Variants in DCC observed in about 807,000 individuals in gnomAD.
DCC encodes DCC netrin 1 receptor.
Under a neutral mutation model 172.5 loss-of-function variants are expected in DCC, and 58 were observed. That is an observed-to-expected ratio of 0.34 (90% CI 0.27 to 0.42). The LOEUF is 0.42. Among genes scored for constraint, DCC ranks in the 10% least tolerant of loss-of-function variants. The pLI is 1.00. For missense variants in DCC, 1,740 were observed against 1,791.0 expected, an observed-to-expected ratio of 0.97 and a Z score of 0.51; for synonymous variants, 709 against 644.5, an observed-to-expected ratio of 1.10 and a Z score of -1.52.
chr18:53,468,350 A>G (rs1032168836), intron 25 of DCC, among the ~76,000 whole-genome samples: 1 of 73,588 alleles, frequency 1.4e-5, no homozygotes, highest in African/African-American at 5.7e-5. Flanking sequence ...ATTTTTATTT[A>G]TTTATTTATT....
intron 2 of DCC, among the ~76,000 whole-genome samples, chr18:52,776,834 C>A (rs2037443860): frequency 6.6e-6 from 1 of 152,120 alleles, no homozygotes; most frequent in Non-Finnish European, 1.5e-5. Context: ...TTTAAACATT[C>A]AAACTATTAA....
chr18:52,867,207 C>G (rs1197915809), intron 2 of DCC, among the ~76,000 whole-genome samples: 1 of 152,186 alleles, frequency 6.6e-6, no homozygotes, highest in African/African-American at 2.4e-5. Flanking sequence ...GTTGAACCAG[C>G]CTTGCATCCC....
At position 53,031,012 on chromosome 18, in the gene DCC, G is replaced by A. The variant is rs575474833; in HGVS notation, c.986-32293G>A. On this transcript the variant is annotated intron_variant, in intron 5 of 28. Coordinates refer to ENST00000442544, the MANE Select transcript of DCC (RefSeq NM_005215.4). The stretch of plus-strand genomic sequence containing the variant: ...GGTGGCTCACGCCTATAATCCCAGC[G>A]CTTTGAGAGGCTGAGGCAGATGGAT... Among the ~76,000 whole-genome samples the A allele has an allele frequency of 2.8e-4, 42 of 152,180 alleles. 1 individual carries two copies. The highest frequency in any genetic ancestry group is 4.1e-4 in the South Asian group (2 of 4,828).
intron 7 of DCC, among the ~76,000 whole-genome samples, chr18:53,155,781 C>G (rs2054721642): frequency 2.6e-5 from 4 of 152,218 alleles, no homozygotes; most frequent in South Asian, 4.1e-4. Context: ...AATCCCAGTA[C>G]TTTGGAAGGC....
chr18:53,425,221 GT>G, intron 21 of DCC, among the ~76,000 whole-genome samples: 1 of 151,424 alleles, frequency 6.6e-6, no homozygotes, highest in African/African-American at 2.4e-5. Flanking sequence ...CCACAGCCTT[GT>G]TTTGTTCTGC....
chr18:52,762,472 C>CA (rs10545448), intron 2 of DCC, among the ~76,000 whole-genome samples: 6,153 of 139,292 alleles, frequency 0.044, 148 homozygotes, highest in Admixed American at 0.055. Flanking sequence ...GACCTTATCT[C>CA]AAAAAAAAAA....
chr18:52,924,401 T>C (rs1036274131), intron 4 of DCC, among the ~76,000 whole-genome samples: 1 of 152,126 alleles, frequency 6.6e-6, no homozygotes, highest in African/African-American at 2.4e-5. Flanking sequence ...AGCATGTCAT[T>C]ATAGAGTTTG....
At chr18:53,402,996 C>A in intron 19 of DCC, 103 bp downstream of exon 19, 1 of 835,374 alleles carries the variant, frequency 1.2e-6, no homozygotes. Flanking sequence ...TTATTCTGTC[C>A]CTACATCTCA....
intron 1 of DCC, among the ~76,000 whole-genome samples, chr18:52,481,492 A>G (rs919670711): frequency 2.0e-5 from 3 of 152,044 alleles, no homozygotes; most frequent in Non-Finnish European, 1.5e-5. Flanking sequence ...TCGCAGATTT[A>G]CTCTGATTTT....
At chr18:52,467,255 T>A (rs1376969400) in intron 1 of DCC, among the ~76,000 whole-genome samples, 1 of 152,020 alleles carries the variant, frequency 6.6e-6, no homozygotes, top group Non-Finnish European at 1.5e-5. Context: ...GTCCATGTGT[T>A]CTCATTGTTC....
At chr18:52,867,306 C>T (rs866497414) in intron 2 of DCC, among the ~76,000 whole-genome samples, 26 of 152,232 alleles carry the variant, frequency 1.7e-4, no homozygotes, top group African/African-American at 5.8e-4. Context: ...GATTTTCATA[C>T]CGATGTTCAT....
At chr18:52,651,799 G>A (rs2035136741) in intron 1 of DCC, among the ~76,000 whole-genome samples, 1 of 152,112 alleles carries the variant, frequency 6.6e-6, no homozygotes, top group South Asian at 2.1e-4. Flanking sequence ...CTCAGTAATG[G>A]ACTTTAAGGA....
At chr18:52,857,692 G>C (rs1349935210) in intron 2 of DCC, among the ~76,000 whole-genome samples, 1 of 151,872 alleles carries the variant, frequency 6.6e-6, no homozygotes, top group Non-Finnish European at 1.5e-5. Flanking sequence ...CTTCTCTGGT[G>C]GTTGTTTTTA....
intron 1 of DCC, among the ~76,000 whole-genome samples, chr18:52,497,260 CAAAAAAA>C (rs111476286): frequency 0.58 from 30,999 of 53,532 alleles, 9,616 homozygotes; most frequent in Middle Eastern, 0.72. Context: ...GACCCTGTAT[CAAAAAAA>C]AAAAAAAAAA....
intron 12 of DCC, among the ~76,000 whole-genome samples, chr18:53,269,009 TG>T (rs2056715894): frequency 6.6e-6 from 1 of 152,138 alleles, no homozygotes; most frequent in Admixed American, 6.6e-5. Context: ...AGTGAACAGA[TG>T]GTCTCAGCAG....
chr18:52,397,245 TC>T (rs1227865713), intron 1 of DCC, among the ~76,000 whole-genome samples: 2 of 151,966 alleles, frequency 1.3e-5, no homozygotes, highest in African/African-American at 4.8e-5. Flanking sequence ...GGGGAAGAGC[TC>T]CCAAAACGCA....
Position 53,384,557 on chromosome 18 carries a change from C to T in DCC, c.2360-1486C>T, listed in dbSNP as rs73467290. 1.9e-3 allele frequency among the ~76,000 whole-genome samples: 295 copies of T among 151,958 alleles called. 3 individuals are homozygous for T. Among genetic ancestry groups the T allele is most frequent in the African/African-American group, 6.8e-3 (283 of 41,478 alleles). On this transcript the variant is annotated intron_variant, in intron 15 of 28. Coordinates refer to ENST00000442544, the MANE Select transcript of DCC (RefSeq NM_005215.4). The stretch of plus-strand genomic sequence containing the variant: ...TCTTTTGTTATGTTTTTGCTTTTGA[C>T]TTGTATTCATCTAGTTACCGTTCAT...
At chr18:53,336,241 C>A (rs1395241882) in intron 14 of DCC, among the ~76,000 whole-genome samples, 1 of 152,136 alleles carries the variant, frequency 6.6e-6, no homozygotes, top group African/African-American at 2.4e-5. Context: ...AGACTCCAAG[C>A]AAGTAATAGT....
intron 7 of DCC, among the ~76,000 whole-genome samples, chr18:53,128,870 CATATATATAT>C (rs367907467): frequency 0.3 from 23,099 of 77,268 alleles, 3,468 homozygotes; most frequent in Admixed American, 0.41. Flanking sequence ...CACACACACA[CATATATATAT>C]ATATATATAT....
Sources: gnomAD v4.1 joint callset for allele counts (sites outside exome capture counted in the v4.1 genomes callset) on GRCh38, gnomAD v4.1.1 for gene constraint, MANE v1.5 for transcripts, NCBI Gene and HGNC (gene_info 2026-07-23, HGNC 2026-07-21) for gene names.